Variants in COL25A1 observed in about 807,000 individuals in gnomAD.
COL25A1 encodes collagen type XXV alpha 1 chain.
Under a neutral mutation model 128.4 loss-of-function variants are expected in COL25A1, and 103 were observed. That is an observed-to-expected ratio of 0.80 (90% CI 0.68 to 0.94). The LOEUF (loss-of-function observed/expected upper bound fraction) is 0.94. COL25A1 is among the 40% of genes least tolerant of loss of function. The pLI, the probability that COL25A1 is intolerant of heterozygous loss-of-function variation, is 0.00. For synonymous variants in COL25A1, 279 were observed against 277.2 expected (o/e 1.01, Z -0.06); for missense variants, 745 against 840.0 (o/e 0.89, Z 1.40).
At chr4:109,250,408 A>G (rs1780571786) in intron 3 of COL25A1, among the ~76,000 whole-genome samples, 1 of 151,984 alleles carries the variant, frequency 6.6e-6, no homozygotes. Context: ...ATGGGGAGAG[A>G]GAGAGAAGGT....
intron 31 of COL25A1, chr4:108,834,248 G>T: frequency 2.6e-6 from 3 of 1,175,328 alleles, no homozygotes; most frequent in Non-Finnish European, 3.7e-6. Flanking sequence ...CCAGCTCTAA[G>T]TACACCCTCA....
At chr4:109,014,821 A>G (rs1757065340) in intron 5 of COL25A1, among the ~76,000 whole-genome samples, 1 of 152,230 alleles carries the variant, frequency 6.6e-6, no homozygotes, top group African/African-American at 2.4e-5. Flanking sequence ...TCCCAGAGAA[A>G]CAAAGCATAC....
Position 108,942,198 on chromosome 4 carries a change from C to T in COL25A1, c.493-761G>A, listed in dbSNP as rs777681262. The T allele has an allele frequency of 8.4e-6, 13 of 1,549,982 alleles. No homozygotes were observed. The Middle Eastern group carries it at 1.3e-3, about 159-fold the overall frequency. Reference sequence around the variant, plus strand: ...TTTCTGACTGTGCAGGCATGAGTGACAACCACAAACCTTGACGGTGAGGAT... The same window carrying T: ...TTTCTGACTGTGCAGGCATGAGTGATAACCACAAACCTTGACGGTGAGGAT... On this transcript the variant is annotated intron_variant, in intron 8 of 37. Coordinates refer to ENST00000399132, the MANE Select transcript of COL25A1 (RefSeq NM_198721.4).
chr4:109,033,584 G>A (rs547463552), intron 5 of COL25A1, among the ~76,000 whole-genome samples: 1 of 152,288 alleles, frequency 6.6e-6, no homozygotes, highest in South Asian at 2.1e-4. Context: ...CGGTCCTGAG[G>A]AATGGAATTT....
intron 20 of COL25A1, among the ~76,000 whole-genome samples, chr4:108,865,847 T>C (rs1335295256): frequency 2.0e-5 from 3 of 152,204 alleles, no homozygotes; most frequent in East Asian, 1.9e-4. Flanking sequence ...TAGCACACTA[T>C]AGCCTCAAAC....
At chr4:109,119,031 A>T (rs1012181253) in intron 3 of COL25A1, among the ~76,000 whole-genome samples, 2 of 151,930 alleles carry the variant, frequency 1.3e-5, no homozygotes, top group Admixed American at 1.3e-4. Flanking sequence ...GCAGATAACA[A>T]TGGAATGAAA....
chr4:108,985,059 G>A (rs1191500909), intron 6 of COL25A1, among the ~76,000 whole-genome samples: 11 of 152,158 alleles, frequency 7.2e-5, no homozygotes, highest in Admixed American at 7.2e-4. Context: ...TGACTCTCAG[G>A]GCTTGTCTAC....
chr4:108,900,537 T>TA (rs2125864048), intron 14 of COL25A1, among the ~76,000 whole-genome samples: 1 of 152,330 alleles, frequency 6.6e-6, no homozygotes, highest in African/African-American at 2.4e-5. Context: ...TCCCCAATCT[T>TA]TTTATATTTA....
At chr4:109,092,838 C>T (rs1218212223) in intron 3 of COL25A1, among the ~76,000 whole-genome samples, 1 of 152,108 alleles carries the variant, frequency 6.6e-6, no homozygotes, top group East Asian at 1.9e-4. Context: ...TGAGAAGATC[C>T]AGCTTGAGTC....
intron 3 of COL25A1, among the ~76,000 whole-genome samples, chr4:109,084,097 T>C (rs559528131): frequency 6.6e-6 from 1 of 152,234 alleles, no homozygotes; most frequent in Non-Finnish European, 1.5e-5. Flanking sequence ...GAAGCAGAAC[T>C]TAGAGCTTCC....
intron 3 of COL25A1, among the ~76,000 whole-genome samples, chr4:109,105,209 C>T (rs756179596): frequency 9.2e-5 from 14 of 152,212 alleles, no homozygotes; most frequent in Non-Finnish European, 1.3e-4. Context: ...CAGTAGCTTA[C>T]ACACCTATAA....
intron 26 of COL25A1, among the ~76,000 whole-genome samples, 169 bp from the exon 27 acceptor site, chr4:108,848,972 C>G (rs557705058): frequency 6.6e-6 from 1 of 152,170 alleles, no homozygotes; most frequent in South Asian, 2.1e-4. Flanking sequence ...AAGTAATAAT[C>G]TTTCTTCAAG....
chr4:108,957,233 A>G (rs1036410964), intron 8 of COL25A1, among the ~76,000 whole-genome samples: 3 of 152,118 alleles, frequency 2.0e-5, no homozygotes. Flanking sequence ...GAGGGGAAAA[A>G]CTGTTCACAT....
At chr4:108,931,322 A>C (rs1461090494) in intron 11 of COL25A1, among the ~76,000 whole-genome samples, 2 of 152,210 alleles carry the variant, frequency 1.3e-5, no homozygotes, top group African/African-American at 4.8e-5. Flanking sequence ...GAGGAATCTA[A>C]GGCCTAGATA....
chr4:109,132,690 T>C (rs1187531204), intron 3 of COL25A1, among the ~76,000 whole-genome samples: 1 of 152,176 alleles, frequency 6.6e-6, no homozygotes, highest in East Asian at 1.9e-4. Flanking sequence ...TTATGCATTA[T>C]CCTTTTCTGA....
chr4:108,827,131 T>G lies in COL25A1; in HGVS notation c.1764+4A>C. ...TGGGGAGGTGCATGTGACCAGGAAC[T>G]CACAGGCAGCCCATAGGGCCCTCTT... On this transcript the variant is annotated splice_donor_region_variant and intron_variant, in intron 33 of 37. Coordinates refer to ENST00000399132, the MANE Select transcript of COL25A1 (RefSeq NM_198721.4). The G allele has an allele frequency of 6.2e-7, 1 of 1,613,578 alleles. No homozygotes were observed. The highest frequency in any genetic ancestry group is 8.5e-7 in the Non-Finnish European group (1 of 1,179,696).
intron 3 of COL25A1, among the ~76,000 whole-genome samples, chr4:109,091,741 A>G (rs546458255): frequency 6.6e-6 from 1 of 152,148 alleles, no homozygotes; most frequent in Non-Finnish European, 1.5e-5. Context: ...GGAAAAAAAA[A>G]AAAAAGCCCT....
At chr4:109,018,756 C>T (rs1757438087) in intron 5 of COL25A1, among the ~76,000 whole-genome samples, 1 of 151,970 alleles carries the variant, frequency 6.6e-6, no homozygotes, top group Non-Finnish European at 1.5e-5. Context: ...TTTGACTAGC[C>T]CAAAGAGGGT....
In COL25A1 at chr4:108,844,741, T is replaced by TA. The variant is rs60869815; in HGVS notation, c.1579-173dup. Among the ~76,000 whole-genome samples the TA allele has an allele frequency of 1.3e-3, 190 of 147,308 alleles. 1 individual carries two copies. Among genetic ancestry groups the TA allele is most frequent in the Admixed American group, 2.2e-3 (32 of 14,734 alleles). On this transcript the variant is annotated intron_variant, in intron 29 of 37. Coordinates refer to ENST00000399132, the MANE Select transcript of COL25A1 (RefSeq NM_198721.4). ...GATGTAGAAATTCCCTTATGAGAATTAAAAAAAAAAATTCCAAAAAAAGTT... is the reference window on the plus strand; with the variant it reads ...GATGTAGAAATTCCCTTATGAGAATTAAAAAAAAAAAATTCCAAAAAAAGTT...
Sources: gnomAD v4.1 joint callset for allele counts (sites outside exome capture counted in the v4.1 genomes callset) on GRCh38, gnomAD v4.1.1 for gene constraint, MANE v1.5 for transcripts, NCBI Gene and HGNC (gene_info 2026-07-23, HGNC 2026-07-21) for gene names.